RAD51: variants seen among roughly 807,000 people sequenced by gnomAD.
RAD51 encodes DNA repair protein RAD51 homolog 1.
RAD51 carries 14 observed loss-of-function variants against 41.5 expected under a neutral mutation model. The ratio of observed to expected loss-of-function variants is 0.34; its 90% CI spans 0.22 to 0.53. The LOEUF is 0.53. RAD51 is among the 20% of genes least tolerant of loss of function. The pLI, the probability that RAD51 is intolerant of heterozygous loss-of-function variation, is 0.95. For missense variants in RAD51, 234 were observed against 422.0 expected, an observed-to-expected ratio of 0.55 and a Z score of 3.90; for synonymous variants, 136 against 148.6, an observed-to-expected ratio of 0.92 and a Z score of 0.62.
intron 6 of RAD51, 144 bp from the exon 7 acceptor site, chr15:40,728,567 A>G: frequency 3.8e-6 from 3 of 784,508 alleles, no homozygotes; most frequent in South Asian, 1.4e-5. Flanking sequence ...TTCTTAATAG[A>G]AAGGGAAATA....
At chr15:40,720,996 G>A (rs1896241897) in intron 6 of RAD51, among the ~76,000 whole-genome samples, 1 of 152,140 alleles carries the variant, frequency 6.6e-6, no homozygotes, top group African/African-American at 2.4e-5. Flanking sequence ...AGTCTGGCCA[G>A]CATGGCAAAA....
chr15:40,731,295 G>GA lies in RAD51; in HGVS notation c.*117_*118insA. 3 of 1,385,542 alleles carry GA rather than the reference G, an allele frequency of 2.2e-6. No individual in the cohort carries two copies. Among genetic ancestry groups the GA allele is most frequent in the Non-Finnish European group, 2.0e-6 (2 of 987,240 alleles). The allele number at this position is 1,385,542 out of a possible 1,614,324, so 85.8% of individuals were successfully genotyped here. On this transcript the variant is annotated 3_prime_UTR_variant, in exon 10 of 10. Coordinates refer to ENST00000267868, the MANE Select transcript of RAD51 (RefSeq NM_002875.5). ...TTGTGACTGCCAGGATAAAGCTTCC[G>GA]GGAAAACAGCTATTATATCAGCTTT...
chr15:40,707,990 A>G (rs1297099158), intron 4 of RAD51, among the ~76,000 whole-genome samples: 1 of 149,268 alleles, frequency 6.7e-6, no homozygotes, highest in Non-Finnish European at 1.5e-5. Flanking sequence ...TGCTGGGATT[A>G]CAGGCATGAG....
At chr15:40,708,904 G>C in intron 4 of RAD51, 121 bp from the exon 5 acceptor site, 3 of 926,548 alleles carry the variant, frequency 3.2e-6, no homozygotes, top group Non-Finnish European at 5.2e-6. Flanking sequence ...ATTATCGCTT[G>C]TTGGAAATTG....
intron 5 of RAD51, 84 bp from the exon 6 acceptor site, chr15:40,718,721 G>T (rs1026876738): frequency 8.4e-7 from 1 of 1,190,876 alleles, no homozygotes; most frequent in Admixed American, 1.7e-5. Flanking sequence ...TGCCTTGGAG[G>T]AATTATAAAG....
At chr15:40,719,021 TTCAAAAGA>T (rs1896128832) in intron 6 of RAD51, 122 bp downstream of exon 6, 1 of 873,188 alleles carries the variant, frequency 1.1e-6, no homozygotes, top group African/African-American at 1.7e-5. Context: ...GTATGTGTGG[TTCAAAAGA>T]ATGACTTCCT....
chr15:40,732,174 A>G lies in RAD51; in HGVS notation c.*996A>G, dbSNP rs934324371. 2 of 186,358 alleles carry G rather than the reference A, an allele frequency of 1.1e-5. No individual in the cohort carries two copies. The highest frequency in any genetic ancestry group is 2.3e-5 in the African/African-American group (1 of 42,664). 11.5% of individuals were successfully genotyped at this position (186,358 alleles called of 1,614,324 possible). A position where few individuals can be genotyped will look rare whatever the true frequency, so the allele number is the denominator to read the frequency against. ...TAGTAGTGAATGTGCTGTTTATAGC[A>G]ATTATTGCAGTGCAAGCTATTTCAA... On this transcript the variant is annotated 3_prime_UTR_variant, in exon 10 of 10. Transcript: ENST00000267868.
At position 40,728,692 on chromosome 15, in the gene RAD51, G is replaced by A; in HGVS notation, c.531-19G>A. 6.2e-7 allele frequency: 1 copy of A among 1,601,058 alleles called. No individual in the cohort carries two copies. Among genetic ancestry groups the A allele is most frequent in the Non-Finnish European group, 8.6e-7 (1 of 1,168,582 alleles). ...TGAGTTCTGTGTGCAGCCTAAAAAT[G>A]TTCTCTCCTCTCTCATAGGTATGGT... On this transcript the variant is annotated intron_variant, in intron 6 of 9. Coordinates refer to ENST00000267868, the MANE Select transcript of RAD51 (RefSeq NM_002875.5).
At chr15:40,719,705 G>T (rs1896175493) in intron 6 of RAD51, among the ~76,000 whole-genome samples, 1 of 152,084 alleles carries the variant, frequency 6.6e-6, no homozygotes, top group Admixed American at 6.6e-5. Context: ...GTTGGTGGGT[G>T]CCTGTAGTCC....
chr15:40,698,892 AC>A, intron 2 of RAD51, 47 bp downstream of exon 2: 3 of 1,554,280 alleles, frequency 1.9e-6, no homozygotes, highest in Non-Finnish European at 2.7e-6. Context: ...AGATTCTTCT[AC>A]CTAGTGGAAG....
In RAD51 at chr15:40,701,099, G is replaced by T. The variant is rs757735432; in HGVS notation, c.123G>T (p.Leu41Phe). 6.2e-7 allele frequency: 1 copy of T among 1,614,236 alleles called. No homozygotes were observed. The highest frequency in any genetic ancestry group is 8.5e-7 in the Non-Finnish European group (1 of 1,180,042). The change falls in exon 3 of 10, where the codon TTG becomes TTT. Residue 41 changes from leucine to phenylalanine, a missense_variant. Around this residue, in one of 2 missense-constraint regions of RAD51, gnomAD observed 100 missense variants for 135.5 expected, o/e 0.74. Transcript: ENST00000267868. The stretch of plus-strand genomic sequence containing the variant: ...TAAATGCCAACGATGTGAAGAAATT[G>T]GAAGAAGCTGGATTCCATACTGTGG... Reference protein sequence around the residue: ...CGINANDVKKLEEAGFHTVEA... With the variant: ...CGINANDVKKFEEAGFHTVEA...
rs201045587 is a variant in RAD51, at chr15:40,731,058, G to A, written c.900G>A (p.Leu300=). ...NIIAHASTTR[L]YLRKGRGETR... Reference sequence around the variant, plus strand: ...TTGGTCTGTGTCTTTGGGTCAGATTGTATCTGAGGAAAGGAAGAGGGGAAA... The same window carrying A: ...TTGGTCTGTGTCTTTGGGTCAGATTATATCTGAGGAAAGGAAGAGGGGAAA... Residue 300 remains leucine, a synonymous_variant, in exon 10 of 10, where the codon TTG becomes TTA. Transcript: ENST00000267868. 6 of 1,613,884 alleles carry A rather than the reference G, an allele frequency of 3.7e-6. No individual in the cohort carries two copies. Among genetic ancestry groups the A allele is most frequent in the Non-Finnish European group, 4.2e-6 (5 of 1,179,946 alleles).
chr15:40,701,031 C>G, intron 2 of RAD51, 33 bp from the exon 3 acceptor site: 1 of 1,613,024 alleles, frequency 6.2e-7, no homozygotes, highest in Non-Finnish European at 8.5e-7. Context: ...AGAACTAAAG[C>G]TTAAATTTAT....
chr15:40,705,688 T>G (rs944075991), intron 3 of RAD51, among the ~76,000 whole-genome samples: 19 of 152,172 alleles, frequency 1.2e-4, no homozygotes, highest in Admixed American at 1.2e-3. Flanking sequence ...CACTGCAAGC[T>G]CCGCCTCCCG....
At chr15:40,720,844 G>C (rs1175199313) in intron 6 of RAD51, among the ~76,000 whole-genome samples, 1 of 152,176 alleles carries the variant, frequency 6.6e-6, no homozygotes, top group East Asian at 1.9e-4. Flanking sequence ...TTTACATAAA[G>C]AGAAGCATTC....
chr15:40,727,425 C>T (rs532879868), intron 6 of RAD51, among the ~76,000 whole-genome samples: 96 of 152,276 alleles, frequency 6.3e-4, no homozygotes, highest in African/African-American at 2.2e-3. Flanking sequence ...TCTCCTGCCT[C>T]AGCCTCCCAA....
At chr15:40,701,463 C>T (rs1229385459) in intron 3 of RAD51, among the ~76,000 whole-genome samples, 1 of 147,910 alleles carries the variant, frequency 6.8e-6, no homozygotes, top group African/African-American at 2.5e-5. Context: ...CAACCTTCAC[C>T]TCCCAAGCTC....
chr15:40,727,860 C>CTT lies in RAD51; in HGVS notation c.531-835_531-834dup, dbSNP rs754071390. On this transcript the variant is annotated intron_variant, in intron 6 of 9. Coordinates refer to ENST00000267868, the MANE Select transcript of RAD51 (RefSeq NM_002875.5). ...ACACTGGGTTTTATGTAAACATTCT[C>CTT]TTTTTTTTTTTTTTTTTGAGATGGA... 2.2e-3 allele frequency among the ~76,000 whole-genome samples: 285 copies of CTT among 132,250 alleles called. 6 individuals are homozygous for CTT. The highest frequency in any genetic ancestry group is 5.6e-3 in the East Asian group (25 of 4,432). 86.8% of individuals were successfully genotyped at this position (132,250 alleles called of 152,430 possible).
rs559374346 is a variant in RAD51, at chr15:40,706,979, T to C, written c.343+685T>C. ...ATCTTCAGGACTTCAGGGAAAACTA[T>C]AAAGCTTTTGACCTTATTATTTATT... On this transcript the variant is annotated intron_variant, in intron 4 of 9. Coordinates refer to ENST00000267868, the MANE Select transcript of RAD51 (RefSeq NM_002875.5). Among the ~76,000 whole-genome samples, 77 of 152,050 alleles carry C rather than the reference T, an allele frequency of 5.1e-4. 4 individuals are homozygous for C. The South Asian group carries it at 0.012, about 24-fold the overall frequency.
Sources: allele counts gnomAD v4.1 joint callset (sites outside exome capture counted in the v4.1 genomes callset), GRCh38; gene constraint gnomAD v4.1.1; regional missense constraint gnomAD v4.1.1; transcripts MANE v1.5; gene names NCBI Gene and HGNC (gene_info 2026-07-23, HGNC 2026-07-21).